KCNN2: variants seen among roughly 807,000 people sequenced by gnomAD.
KCNN2 encodes the protein potassium calcium-activated channel subfamily N member 2, also known as small conductance calcium-activated potassium channel protein 2.
KCNN2 carries 24 observed loss-of-function variants against 55.5 expected under a neutral mutation model. The ratio of observed to expected loss-of-function variants is 0.43; its 90% CI spans 0.31 to 0.61. The LOEUF is 0.61. Ranked by LOEUF, KCNN2 falls within the 20% of genes least tolerant of loss-of-function variation. The probability of loss-of-function intolerance (pLI) is 0.08; values close to 1 mark genes in which losing one functional copy is unlikely to be tolerated. For missense variants in KCNN2, 754 were observed against 853.6 expected, an observed-to-expected ratio of 0.88 and a Z score of 1.45; for synonymous variants, 431 against 336.1, an observed-to-expected ratio of 1.28 and a Z score of -3.09.
chr5:114,384,252 C>G (rs548666079), intron 2 of KCNN2, among the ~76,000 whole-genome samples: 1 of 152,268 alleles, frequency 6.6e-6, no homozygotes, highest in South Asian at 2.1e-4. Flanking sequence ...ACATAGTTTC[C>G]TCCGAATTTT....
intron 2 of KCNN2, among the ~76,000 whole-genome samples, chr5:114,333,515 T>C (rs1361925643): frequency 6.6e-6 from 1 of 152,144 alleles, no homozygotes; most frequent in African/African-American, 2.4e-5. Context: ...GGGACTGGCT[T>C]CCAATATTTT....
rs562400724 is a variant in KCNN2 at position 114,275,334 on chromosome 5, T to A, written c.-185+53769T>A. Among the ~76,000 whole-genome samples, 4 of 152,346 alleles carry A rather than the reference T, an allele frequency of 2.6e-5. No individual in the cohort carries two copies. The South Asian group carries it at 8.3e-4, about 32-fold the overall frequency. ...TCTCTGCCAGGCTTTGGTGTCAGGA[T>A]GATGCTAGCCTCATGAAATGAATTA... On this transcript the variant is annotated intron_variant, in intron 2 of 10. Transcript: ENST00000512097.
intron 2 of KCNN2, among the ~76,000 whole-genome samples, chr5:114,371,889 GCTATATTATGCCGACT>G (rs1757768658): frequency 6.6e-6 from 1 of 152,082 alleles, no homozygotes; most frequent in South Asian, 2.1e-4. Flanking sequence ...CATCAAAAAT[GCTATATTATGCCGACT>G]CTTATTAGTC....
rs368380815 is a variant in KCNN2 at position 114,228,541 on chromosome 5, T to C, written c.-185+6976T>C. 6.6e-4 allele frequency among the ~76,000 whole-genome samples: 100 copies of C among 152,214 alleles called. 1 individual carries two copies. The South Asian group carries it at 0.02, about 31-fold the overall frequency. Reference sequence around the variant, plus strand: ...TCTGCTTCTGGGAAAAATGCAGTAATATCAGTAACTGGGAAAAGTTGGAAA... The same window carrying C: ...TCTGCTTCTGGGAAAAATGCAGTAACATCAGTAACTGGGAAAAGTTGGAAA... On this transcript the variant is annotated intron_variant, in intron 2 of 10. Coordinates refer to the KCNN2 transcript ENST00000512097.
chr5:114,180,986 T>G (rs1253608839), intron 1 of KCNN2, among the ~76,000 whole-genome samples: 2 of 152,234 alleles, frequency 1.3e-5, no homozygotes, highest in Non-Finnish European at 1.5e-5. Flanking sequence ...TTTTTATTCT[T>G]AAGTAGTATT....
At chr5:114,401,338 A>G (rs1260003065) in intron 2 of KCNN2, among the ~76,000 whole-genome samples, 2 of 152,206 alleles carry the variant, frequency 1.3e-5, no homozygotes, top group African/African-American at 4.8e-5. Context: ...TGCTGCTGCA[A>G]TGACTTATTA....
chr5:114,304,821 T>C (rs1213635182), intron 2 of KCNN2, among the ~76,000 whole-genome samples: 1 of 152,182 alleles, frequency 6.6e-6, no homozygotes, highest in Admixed American at 6.5e-5. Flanking sequence ...TCCCAAGTAG[T>C]GTACATGTTA....
intron 2 of KCNN2, among the ~76,000 whole-genome samples, chr5:114,399,105 A>G (rs549320434): frequency 6.6e-6 from 1 of 152,282 alleles, no homozygotes; most frequent in Admixed American, 6.5e-5. Context: ...AAGAGAGGAC[A>G]TCTTTGTTTT....
At chr5:114,156,936 G>A (rs1412293701) in intron 1 of KCNN2, among the ~76,000 whole-genome samples, 1 of 151,760 alleles carries the variant, frequency 6.6e-6, no homozygotes, top group Non-Finnish European at 1.5e-5. Flanking sequence ...TTTTTTCCAG[G>A]TTGTTTAGTT....
At chr5:114,158,796 T>A (rs1475097436) in intron 1 of KCNN2, among the ~76,000 whole-genome samples, 1 of 152,100 alleles carries the variant, frequency 6.6e-6, no homozygotes. Context: ...ATGATTTGGC[T>A]CTCTGTTTGT....
At chr5:114,319,856 C>T (rs1019518439) in intron 2 of KCNN2, among the ~76,000 whole-genome samples, 5 of 152,126 alleles carry the variant, frequency 3.3e-5, no homozygotes. Flanking sequence ...TTTTTATGTG[C>T]TAATTGTGAC....
At chr5:114,123,058 A>T (rs909183587) in intron 1 of KCNN2, among the ~76,000 whole-genome samples, 12 of 152,342 alleles carry the variant, frequency 7.9e-5, no homozygotes, top group Non-Finnish European at 1.5e-4. Context: ...GAGAGACAGT[A>T]TATAAGGACG....
intron 3 of KCNN2, among the ~76,000 whole-genome samples, chr5:114,436,774 A>G (rs544068072): frequency 1.1e-3 from 164 of 152,324 alleles, no homozygotes; most frequent in African/African-American, 3.8e-3. Flanking sequence ...TAAAATCTAT[A>G]GAAGCTTTGA....
At chr5:114,102,277 GTTGT>G (rs1751388623) in intron 1 of KCNN2, among the ~76,000 whole-genome samples, 1 of 151,354 alleles carries the variant, frequency 6.6e-6, no homozygotes, top group Admixed American at 6.6e-5. Flanking sequence ...TTTTGATGGA[GTTGT>G]TTGTTTTTTT....
intron 3 of KCNN2, among the ~76,000 whole-genome samples, chr5:114,423,145 G>T (rs1759518423): frequency 6.6e-6 from 1 of 152,166 alleles, no homozygotes; most frequent in Admixed American, 6.5e-5. Context: ...CTCCTTGAGG[G>T]CAGGGATGAT....
intron 3 of KCNN2, among the ~76,000 whole-genome samples, chr5:114,439,685 A>G (rs1209538863): frequency 2.0e-5 from 3 of 152,354 alleles, no homozygotes; most frequent in Non-Finnish European, 4.4e-5. Flanking sequence ...AGAACTTGAC[A>G]GCATATTTCA....
intron 2 of KCNN2, among the ~76,000 whole-genome samples, chr5:114,291,139 A>C (rs2150017586): frequency 6.6e-6 from 1 of 152,196 alleles, no homozygotes; most frequent in Admixed American, 6.5e-5. Context: ...AAATATAGTT[A>C]TTAAAATATT....
At chr5:114,229,677 G>A (rs138296836) in intron 2 of KCNN2, among the ~76,000 whole-genome samples, 21 of 151,852 alleles carry the variant, frequency 1.4e-4, no homozygotes, top group African/African-American at 1.4e-4. Context: ...TAAAATTTAC[G>A]TACAATTTTT....
In KCNN2 at chr5:114,241,732, A is replaced by G. The variant is rs544800071; in HGVS notation, c.-185+20167A>G. ...TATATATATATATACGTATATATATACATATATACGTATATATATGTATAT... is the reference window on the plus strand; with the variant it reads ...TATATATATATATACGTATATATATGCATATATACGTATATATATGTATAT... On this transcript the variant is annotated intron_variant, in intron 2 of 10. Coordinates refer to the KCNN2 transcript ENST00000512097. Among the ~76,000 whole-genome samples the G allele has an allele frequency of 3.4e-4, 24 of 70,812 alleles. 5 individuals carry two copies. The highest frequency in any genetic ancestry group is 6.6e-4 in the African/African-American group (10 of 15,126). 46.5% of individuals were successfully genotyped at this position (70,812 alleles called of 152,430 possible).
Sources: allele counts gnomAD v4.1 joint callset (sites outside exome capture counted in the v4.1 genomes callset), GRCh38; gene constraint gnomAD v4.1.1; transcripts MANE v1.5; gene names NCBI Gene and HGNC (gene_info 2026-07-23, HGNC 2026-07-21).